Variants in CYP26B1 observed in about 807,000 individuals in gnomAD.
CYP26B1 encodes cytochrome P450 26B1.
CYP26B1 carries 8 observed loss-of-function variants against 39.1 expected under a neutral mutation model. The observed-to-expected ratio is 0.20, with a 90% confidence interval of 0.12 to 0.37. The LOEUF is 0.37. Among genes scored for constraint, CYP26B1 ranks in the 10% least tolerant of loss-of-function variants. CYP26B1 has a pLI of 1.00. For missense variants in CYP26B1, 615 were observed against 707.0 expected, an observed-to-expected ratio of 0.87 and a Z score of 1.48; for synonymous variants, 321 against 314.3, an observed-to-expected ratio of 1.02 and a Z score of -0.23.
chr2:72,141,539 G>A (rs550964721), intron 2 of CYP26B1, among the ~76,000 whole-genome samples: 16 of 152,274 alleles, frequency 1.1e-4, no homozygotes, highest in African/African-American at 3.6e-4. Context: ...CTTCCTGCAC[G>A]TACCTCCTAA....
At chr2:72,134,252 C>T (rs1243375001) in intron 4 of CYP26B1, among the ~76,000 whole-genome samples, 3 of 150,740 alleles carry the variant, frequency 2.0e-5, no homozygotes, top group Non-Finnish European at 4.4e-5. Flanking sequence ...GTGAAACATC[C>T]GCCTAAAGCA....
rs369232567 is a variant in CYP26B1 at position 72,132,284 on chromosome 2, G to A, written c.1482C>T (p.Asp494=). Residue 494 remains aspartate (D), a synonymous_variant, in exon 6 of 6, where the codon GAC becomes GAT. Coordinates refer to ENST00000001146, the MANE Select transcript of CYP26B1 (RefSeq NM_019885.4). ...DGLSVKFFGL[D]SNQNEILPET... The stretch of plus-strand genomic sequence containing the variant: ...CCGGCAGGATCTCGTTCTGGTTGGA[G>A]TCCAGGCCAAAGAACTTGACGCTGA... 1 of 1,605,984 alleles carries A rather than the reference G, an allele frequency of 6.2e-7. No individual in the cohort carries two copies. The highest frequency in any genetic ancestry group is 8.5e-7 in the Non-Finnish European group (1 of 1,176,570).
chr2:72,132,678 C>T, intron 5 of CYP26B1, 59 bp from the exon 6 acceptor site: 1 of 1,543,530 alleles, frequency 6.5e-7, no homozygotes, highest in South Asian at 1.2e-5. Flanking sequence ...CCACAGAGGG[C>T]CCAGGACTGC....
intron 1 of CYP26B1, among the ~76,000 whole-genome samples, chr2:72,145,588 C>T (rs920076993): frequency 2.0e-5 from 3 of 152,334 alleles, no homozygotes; most frequent in Admixed American, 1.3e-4. Flanking sequence ...TCTGCTATAC[C>T]CGTCTCCCTC....
chr2:72,132,255 G>T lies in CYP26B1; in HGVS notation c.1511C>A (p.Thr504Lys). The T allele has an allele frequency of 6.2e-7, 1 of 1,603,876 alleles. No individual in the cohort carries two copies. Among genetic ancestry groups the T allele is most frequent in the Admixed American group, 1.7e-5 (1 of 58,346 alleles). ...GACTGTGGCGCTCAGCATGGCCTCC[G>T]TCTCCGGCAGGATCTCGTTCTGGTT... ...DSNQNEILPE[T>K]EAMLSATV Residue 504 changes from threonine to lysine, a missense_variant, in exon 6 of 6, where the codon ACG becomes AAG. Physicochemically the swap from Thr to Lys is moderately conservative, Grantham distance 78. Transcript: ENST00000001146.
chr2:72,144,605 G>A (rs1677064426), intron 1 of CYP26B1: 2 of 650,632 alleles, frequency 3.1e-6, no homozygotes, highest in African/African-American at 2.1e-5. Context: ...ACGGGCTGGC[G>A]AGACCCCGCG....
At chr2:72,142,434 G>A (rs975365657) in intron 2 of CYP26B1, among the ~76,000 whole-genome samples, 1 of 152,206 alleles carries the variant, frequency 6.6e-6, no homozygotes, top group Non-Finnish European at 1.5e-5. Flanking sequence ...CACGGACGCT[G>A]CAGTCCAGTG....
chr2:72,132,072 G>T lies in CYP26B1; in HGVS notation c.*155C>A. 1.2e-6 allele frequency: 1 copy of T among 839,564 alleles called. No individual in the cohort carries two copies. The highest frequency in any genetic ancestry group is 1.8e-6 in the Non-Finnish European group (1 of 547,492). The allele number at this position is 839,564 out of a possible 1,614,324, so 52.0% of individuals were successfully genotyped here. ...CCAGCCCTAGGAATGGGGCCCACTG[G>T]CTTTGGGTAGGGTTTGCCAGGGAGG... On this transcript the variant is annotated 3_prime_UTR_variant, in exon 6 of 6. Transcript: ENST00000001146.
rs960751948 is a variant in CYP26B1, at chr2:72,130,229, G to A, written c.*1998C>T. On this transcript the variant is annotated 3_prime_UTR_variant, in exon 6 of 6. Transcript: ENST00000001146. ...CCTCCCAGACACTGGTTTTGTGTTG[G>A]GGGGAGGGGGTACAGGTCCGGGTGC... 6.6e-6 allele frequency: 1 copy of A among 152,332 alleles called. No individual in the cohort carries two copies. Among genetic ancestry groups the A allele is most frequent in the Non-Finnish European group, 1.5e-5 (1 of 68,158 alleles). The allele number at this position is 152,332 out of a possible 1,614,324, so 9.4% of individuals were successfully genotyped here.
chr2:72,135,568 A>G (rs2104054036), intron 2 of CYP26B1, 149 bp from the exon 3 acceptor site: 1 of 1,201,586 alleles, frequency 8.3e-7, no homozygotes, highest in South Asian at 1.3e-5. Context: ...GCCAGCTGCC[A>G]GCAAGTCTTT....
Position 72,132,477 on chromosome 2 carries a change from T to A in CYP26B1, c.1289A>T (p.His430Leu). ...GACACCGCCACCGAACGGGAGGTAA[T>A]GGAAGCGGCCATCCTTGTCCTCGCT... ...ARSEDKDGRFHYLPFGGGVRT... is the reference protein window; with the variant it reads ...ARSEDKDGRFLYLPFGGGVRT... The change falls in exon 6 of 6, where the codon CAT (histidine) becomes CTT (leucine). Residue 430 changes from histidine (H) to leucine (L), a missense_variant. His to Leu is a moderately conservative substitution (Grantham distance 99, BLOSUM62 -3). Transcript: ENST00000001146. 1 of 1,613,158 alleles carries A rather than the reference T, an allele frequency of 6.2e-7. No homozygotes were observed. The highest frequency in any genetic ancestry group is 8.5e-7 in the Non-Finnish European group (1 of 1,179,604).
At chr2:72,143,826 TG>T (rs1677031090) in intron 2 of CYP26B1, among the ~76,000 whole-genome samples, 162 bp downstream of exon 2, 1 of 152,200 alleles carries the variant, frequency 6.6e-6, no homozygotes, top group Non-Finnish European at 1.5e-5. Flanking sequence ...GAGCAGGCCC[TG>T]GATCCGGACT....
chr2:72,143,958 T>C (rs368195495), intron 2 of CYP26B1, 31 bp downstream of exon 2: 68 of 1,611,612 alleles, frequency 4.2e-5, no homozygotes, highest in Non-Finnish European at 5.3e-5. Context: ...GGGGGAGGGA[T>C]TGCGCGGAAG....
chr2:72,144,166 G>A lies in CYP26B1; in HGVS notation c.252C>T (p.Phe84=). ...SSRREKYGNV[F]KTHLLGRPLI... ...GCGGCCGCCCCAACAAATGCGTCTTGAACACGTTGCCATACTTCTCCCTCC... is the reference window on the plus strand; with the variant it reads ...GCGGCCGCCCCAACAAATGCGTCTTAAACACGTTGCCATACTTCTCCCTCC... The change falls in exon 2 of 6, where the codon TTC becomes TTT. Residue 84 remains phenylalanine, a synonymous_variant. Transcript: ENST00000001146. The A allele has an allele frequency of 6.2e-7, 1 of 1,609,114 alleles. No homozygotes were observed.
chr2:72,131,753 C>T lies in CYP26B1; in HGVS notation c.*474G>A, dbSNP rs1369226066. 6.1e-6 allele frequency: 1 copy of T among 164,640 alleles called. No homozygotes were observed. Among genetic ancestry groups the T allele is most frequent in the Non-Finnish European group, 1.3e-5 (1 of 75,826 alleles). 10.2% of individuals were successfully genotyped at this position (164,640 alleles called of 1,614,324 possible). The stretch of plus-strand genomic sequence containing the variant: ...GCCCCCGCCCCGCCAAGGTTGACTC[C>T]TGTTCTGCTACCCAGGATGCTGTTC... On this transcript the variant is annotated 3_prime_UTR_variant, in exon 6 of 6. Coordinates refer to ENST00000001146, the MANE Select transcript of CYP26B1 (RefSeq NM_019885.4).
intron 4 of CYP26B1, among the ~76,000 whole-genome samples, chr2:72,134,150 G>T (rs1359630523): frequency 6.6e-6 from 1 of 152,222 alleles, no homozygotes; most frequent in Middle Eastern, 3.2e-3. Context: ...AAGATAGTGG[G>T]CAGGGGAGGC....
At chr2:72,134,143 A>G (rs1352191001) in intron 4 of CYP26B1, among the ~76,000 whole-genome samples, 1 of 152,192 alleles carries the variant, frequency 6.6e-6, no homozygotes, top group Non-Finnish European at 1.5e-5. Flanking sequence ...GGAGGCAAAG[A>G]TAGTGGGCAG....
rs987405765 is a variant in CYP26B1, at chr2:72,129,568, T to C, written c.*2659A>G. On this transcript the variant is annotated 3_prime_UTR_variant, in exon 6 of 6. Coordinates refer to ENST00000001146, the MANE Select transcript of CYP26B1 (RefSeq NM_019885.4). ...TATCTATTTTGAATTATAACAAAAA[T>C]AGTACTTATAATAGTTTATAAAGAC... 4 of 152,356 alleles carry C rather than the reference T, an allele frequency of 2.6e-5. No individual in the cohort carries two copies. Among genetic ancestry groups the C allele is most frequent in the African/African-American group, 9.7e-5 (4 of 41,354 alleles). 9.4% of individuals were successfully genotyped at this position (152,356 alleles called of 1,614,324 possible).
In CYP26B1 at chr2:72,135,147, C is replaced by T; in HGVS notation, c.702G>A (p.Arg234=). The part of the protein sequence containing the change: ...LPVDLPFSGY[R]RGIQARQILQ... The stretch of plus-strand genomic sequence containing the variant: ...CTCCCAGGCCCTGGGTGCTCACCCG[C>T]CGGTAGCCACTGAAGGGCAGGTCGA... Residue 234 remains arginine (R), a synonymous_variant, in exon 3 of 6, where the codon CGG becomes CGA. Coordinates refer to ENST00000001146, the MANE Select transcript of CYP26B1 (RefSeq NM_019885.4). The T allele has an allele frequency of 6.2e-7, 1 of 1,613,528 alleles. No homozygotes were observed. Among genetic ancestry groups the T allele is most frequent in the Non-Finnish European group, 8.5e-7 (1 of 1,180,004 alleles).
Sources: allele counts gnomAD v4.1 joint callset (sites outside exome capture counted in the v4.1 genomes callset), GRCh38; gene constraint gnomAD v4.1.1; transcripts MANE v1.5; gene names NCBI Gene and HGNC (gene_info 2026-07-23, HGNC 2026-07-21).